Variants in CTR9 observed in about 807,000 individuals in gnomAD.
CTR9 encodes the protein RNA polymerase-associated protein CTR9 homolog.
In CTR9, 41 loss-of-function variants were observed where a neutral mutation model predicts 152.1. The observed-to-expected ratio is 0.27, with a 90% CI of 0.21 to 0.35. The LOEUF (loss-of-function observed/expected upper bound fraction) is 0.35, where lower values mean the gene tolerates loss of function less well. CTR9 is among the 10% of genes least tolerant of loss of function. The probability of loss-of-function intolerance (pLI) is 1.00; values close to 1 mark genes in which losing one functional copy is unlikely to be tolerated. For synonymous variants in CTR9, 476 were observed against 496.2 expected (o/e 0.96, Z 0.54); for missense variants, 917 against 1,424.4 (o/e 0.64, Z 5.73).
At chr11:10,753,693 A>T (rs936081690) in intron 2 of CTR9, among the ~76,000 whole-genome samples, 1 of 147,600 alleles carries the variant, frequency 6.8e-6, no homozygotes, top group East Asian at 1.9e-4. Context: ...AATATATATT[A>T]TATATATATA....
Position 10,766,510 on chromosome 11 carries a change from A to AAG in CTR9, c.1686+20_1686+21insAG. On this transcript the variant is annotated intron_variant, in intron 13 of 24. Transcript: ENST00000361367. ...AATCAGGTTGGTAATATTAACTCTT[A>AAG]GGTTTGAGAAATAATTATTTTCACT... The AAG allele has an allele frequency of 6.7e-7, 1 of 1,488,956 alleles. No individual in the cohort carries two copies. Among genetic ancestry groups the AAG allele is most frequent in the Non-Finnish European group, 9.1e-7 (1 of 1,097,704 alleles). 92.2% of individuals were successfully genotyped at this position (1,488,956 alleles called of 1,614,324 possible). A position where few individuals can be genotyped will look rare whatever the true frequency, so the allele number is the denominator to read the frequency against.
chr11:10,764,204 A>AT lies in CTR9; in HGVS notation c.1284+7dup, dbSNP rs762854471. On this transcript the variant is annotated splice_donor_region_variant and intron_variant, in intron 10 of 24. Coordinates refer to ENST00000361367, the MANE Select transcript of CTR9 (RefSeq NM_014633.5). ...TCTTAGAACAGACTGATATACAGGT[A>AT]TTTTAGTAATGTTTTTTAATCTCTC... 6.2e-7 allele frequency: 1 copy of AT among 1,613,636 alleles called. No homozygotes were observed. The highest frequency in any genetic ancestry group is 8.5e-7 in the Non-Finnish European group (1 of 1,179,666).
intron 12 of CTR9, among the ~76,000 whole-genome samples, chr11:10,766,058 A>T (rs542469874): frequency 5.3e-5 from 8 of 152,164 alleles, no homozygotes; most frequent in Non-Finnish European, 8.8e-5. Context: ...AGCTTTTTTT[A>T]AAAAAAGGTA....
Position 10,774,294 on chromosome 11 carries a change from C to T in CTR9, c.2885+125C>T, listed in dbSNP as rs145313718. The T allele has an allele frequency of 6.5e-4, 768 of 1,181,450 alleles. 3 individuals are homozygous for T. In the African/African-American group the frequency reaches 9.9e-3, roughly 15 times the overall value. The allele number at this position is 1,181,450 out of a possible 1,614,324, so 73.2% of individuals were successfully genotyped here. On this transcript the variant is annotated intron_variant, in intron 22 of 24. Transcript: ENST00000361367. ...TCCAAACAGTGAAGCTTTTTGTGCC[C>T]CCACTTCCTACTTTAATCCTAAGAT... is the stretch of plus-strand genomic sequence containing the variant.
chr11:10,775,847 G>A (rs780385589), intron 24 of CTR9, among the ~76,000 whole-genome samples: 1 of 152,176 alleles, frequency 6.6e-6, no homozygotes, highest in Non-Finnish European at 1.5e-5. Flanking sequence ...TAGAATCTGA[G>A]AGCTGGAAGA....
At chr11:10,776,296 G>A (rs1385290297) in intron 24 of CTR9, among the ~76,000 whole-genome samples, 2 of 152,144 alleles carry the variant, frequency 1.3e-5, no homozygotes, top group Non-Finnish European at 2.9e-5. Context: ...TGTTGAGAGA[G>A]GCTATTTCTT....
chr11:10,764,775 C>T, intron 12 of CTR9, 44 bp downstream of exon 12: 1 of 1,478,230 alleles, frequency 6.8e-7, no homozygotes, highest in Admixed American at 2.2e-5. Context: ...CCGTTCATTC[C>T]CACAAGAGCA....
intron 12 of CTR9, among the ~76,000 whole-genome samples, chr11:10,765,563 G>T (rs1863046365): frequency 6.6e-6 from 1 of 152,172 alleles, no homozygotes; most frequent in Admixed American, 6.5e-5. Context: ...CCGGGTTGGA[G>T]TGATTCTCCT....
intron 19 of CTR9, among the ~76,000 whole-genome samples, chr11:10,772,026 A>G (rs1490754089): frequency 6.6e-6 from 1 of 152,044 alleles, no homozygotes; most frequent in Non-Finnish European, 1.5e-5. Flanking sequence ...AAGACTCCAT[A>G]CATTGGTATG....
intron 3 of CTR9, 65 bp downstream of exon 3, chr11:10,755,262 T>C: frequency 6.6e-7 from 1 of 1,524,220 alleles, no homozygotes; most frequent in Admixed American, 2.1e-5. Context: ...GCAAAATGTG[T>C]GTGATAGCAG....
intron 17 of CTR9, 41 bp from the exon 18 acceptor site, chr11:10,770,446 A>G (rs1177352977): frequency 1.3e-6 from 2 of 1,598,388 alleles, no homozygotes; most frequent in African/African-American, 1.4e-5. Flanking sequence ...GATCCTTTTC[A>G]TGTCATTTGA....
intron 2 of CTR9, among the ~76,000 whole-genome samples, chr11:10,754,748 A>G (rs1365642824): frequency 1.3e-5 from 2 of 152,244 alleles, no homozygotes; most frequent in Admixed American, 6.5e-5. Context: ...TCCATGTTGT[A>G]GCATGTATCA....
At position 10,764,609 on chromosome 11, in the gene CTR9, A is replaced by G. The variant is rs750999734; in HGVS notation, c.1475A>G (p.Tyr492Cys). Residue 492 changes from tyrosine to cysteine, a missense_variant, in exon 12 of 25, where the codon TAT becomes TGT. Physicochemically the swap from Tyr to Cys is radical, Grantham distance 194 (BLOSUM62 -2). Coordinates refer to ENST00000361367, the MANE Select transcript of CTR9 (RefSeq NM_014633.5). Reference sequence around the variant, plus strand: ...GAAGCGGAACACGATGAGCATTACTATAACGCCATTTCCGTTACCACGTCA... The same window carrying G: ...GAAGCGGAACACGATGAGCATTACTGTAACGCCATTTCCGTTACCACGTCA... ...KAEAEHDEHY[Y>C]NAISVTTSYN... 2.5e-6 allele frequency: 4 copies of G among 1,613,416 alleles called. No individual in the cohort carries two copies. The highest frequency in any genetic ancestry group is 1.7e-5 in the Admixed American group (1 of 59,966).
At chr11:10,756,362 C>A (rs977872053) in intron 4 of CTR9, among the ~76,000 whole-genome samples, 14 of 152,134 alleles carry the variant, frequency 9.2e-5, no homozygotes, top group African/African-American at 3.4e-4. Context: ...AGGTATTAAG[C>A]CTAGTACCTA....
chr11:10,774,619 GT>G lies in CTR9; in HGVS notation c.2885+452del, dbSNP rs377020463. Among the ~76,000 whole-genome samples, 279 of 152,314 alleles carry G rather than the reference GT, an allele frequency of 1.8e-3. 6 individuals are homozygous for G. The highest frequency in any genetic ancestry group is 6.3e-3 in the African/African-American group (262 of 41,558). ...AAAAGTGCCTTTAAAACCACCCAGT[GT>G]TCTCTGCTGTTAAGATCAAGGATGC... On this transcript the variant is annotated intron_variant, in intron 22 of 24. Transcript: ENST00000361367.
Position 10,775,311 on chromosome 11 carries a change from T to C in CTR9, c.2982+8T>C, listed in dbSNP as rs771249531. ...GCAGAGAAGAAAAAGGCTGTAAGTT[T>C]ATAGTACTGTGTTTTTCTGTCCCCT... On this transcript the variant is annotated splice_region_variant and intron_variant, in intron 23 of 24. Transcript: ENST00000361367. The C allele has an allele frequency of 6.2e-7, 1 of 1,611,770 alleles. No homozygotes were observed. Among genetic ancestry groups the C allele is most frequent in the East Asian group, 2.2e-5 (1 of 44,870 alleles).
intron 19 of CTR9, among the ~76,000 whole-genome samples, chr11:10,772,119 G>A (rs1863152320): frequency 6.6e-6 from 1 of 152,056 alleles, no homozygotes; most frequent in African/African-American, 2.4e-5. Flanking sequence ...ACTTTTGGAG[G>A]CCTAGGTGGG....
chr11:10,753,628 C>G (rs928466288), intron 2 of CTR9, among the ~76,000 whole-genome samples: 1 of 150,716 alleles, frequency 6.6e-6, no homozygotes, highest in Non-Finnish European at 1.5e-5. Context: ...GGAGACCAAG[C>G]CTCCTTGTCA....
intron 5 of CTR9, 33 bp downstream of exon 5, chr11:10,756,871 G>T: frequency 7.6e-7 from 1 of 1,314,784 alleles, no homozygotes; most frequent in South Asian, 1.2e-5. Context: ...TGTCTAAACT[G>T]TGTATTACCC....
Sources: allele counts gnomAD v4.1 joint callset (sites outside exome capture counted in the v4.1 genomes callset), GRCh38; gene constraint gnomAD v4.1.1; transcripts MANE v1.5; gene names NCBI Gene and HGNC (gene_info 2026-07-23, HGNC 2026-07-21).